The following AGBL4 variants were observed in gnomAD, a reference collection of about 807,000 sequenced individuals.
The protein encoded by AGBL4 is AGBL carboxypeptidase 4.
Under a neutral mutation model 66.4 loss-of-function variants are expected in AGBL4, and 58 were observed. The ratio of observed to expected loss-of-function variants is 0.87; its 90% CI spans 0.71 to 1.09. The LOEUF (loss-of-function observed/expected upper bound fraction) is 1.09, where lower values mean the gene tolerates loss of function less well. AGBL4 is among the 50% of genes least tolerant of loss of function. The pLI is 0.00. For missense variants in AGBL4, 579 were observed against 631.0 expected (o/e 0.92, Z 0.88); for synonymous variants, 234 against 222.9 (o/e 1.05, Z -0.44).
chr1:49,845,986 T>G, intron 2 of AGBL4: 2 of 1,584,728 alleles, frequency 1.3e-6, no homozygotes, highest in Non-Finnish European at 1.7e-6. Context: ...GAAACCACAC[T>G]GAGGAGAAGC....
intron 4 of AGBL4, among the ~76,000 whole-genome samples, chr1:49,121,247 T>C (rs1645647268): frequency 6.6e-6 from 1 of 152,214 alleles, no homozygotes; most frequent in African/African-American, 2.4e-5. Context: ...CTTTGTTCCA[T>C]TGCCGGCGAG....
At chr1:49,890,602 G>A (rs1648546483) in intron 1 of AGBL4, among the ~76,000 whole-genome samples, 1 of 152,086 alleles carries the variant, frequency 6.6e-6, no homozygotes, top group South Asian at 2.1e-4. Flanking sequence ...CTTCTTTCCT[G>A]GGTATATAAA....
rs114560464 is a variant in AGBL4, at chr1:48,787,433, T to A, written c.634+79758A>T. ...GTGGGTGGGAATGTACTAGATCCAATCCACAGGATAAAGATGGCTTTCTTT... is the reference window on the plus strand; with the variant it reads ...GTGGGTGGGAATGTACTAGATCCAAACCACAGGATAAAGATGGCTTTCTTT... On this transcript the variant is annotated intron_variant, in intron 6 of 13. Transcript: ENST00000371839. Among the ~76,000 whole-genome samples the A allele has an allele frequency of 3.4e-3, 514 of 152,246 alleles. 4 individuals carry two copies. The highest frequency in any genetic ancestry group is 0.011 in the African/African-American group (470 of 41,546).
chr1:49,345,338 G>A (rs1313864490), intron 3 of AGBL4, among the ~76,000 whole-genome samples: 1 of 152,138 alleles, frequency 6.6e-6, no homozygotes, highest in Non-Finnish European at 1.5e-5. Flanking sequence ...GTCTTTGACT[G>A]TGGCTGTCCT....
chr1:49,252,508 C>A (rs1274247521), intron 3 of AGBL4, among the ~76,000 whole-genome samples: 4 of 152,152 alleles, frequency 2.6e-5, no homozygotes, highest in African/African-American at 9.7e-5. Flanking sequence ...TCAATTAGAA[C>A]TTCCACAACT....
intron 4 of AGBL4, among the ~76,000 whole-genome samples, chr1:49,127,932 C>G (rs1307380867): frequency 1.3e-5 from 2 of 151,854 alleles, no homozygotes; most frequent in Non-Finnish European, 2.9e-5. Context: ...GCCCAACAGT[C>G]AATCAAAAAT....
intron 2 of AGBL4, among the ~76,000 whole-genome samples, chr1:49,737,572 C>A (rs955301468): frequency 1.3e-5 from 2 of 152,112 alleles, no homozygotes; most frequent in African/African-American, 2.4e-5. Context: ...AAACTAAGAA[C>A]CAGGTTCTGT....
chr1:49,905,442 G>C (rs972653374), intron 1 of AGBL4, among the ~76,000 whole-genome samples: 2 of 152,290 alleles, frequency 1.3e-5, no homozygotes, highest in Non-Finnish European at 2.9e-5. Context: ...CCAACATGAA[G>C]CAAGTCAAAC....
At chr1:48,594,710 G>A (rs918912402) in intron 9 of AGBL4, among the ~76,000 whole-genome samples, 1 of 152,056 alleles carries the variant, frequency 6.6e-6, no homozygotes, top group African/African-American at 2.4e-5. Context: ...TGGAATGTGA[G>A]GTAAGGGTTA....
chr1:49,442,215 A>G (rs1646050398), intron 3 of AGBL4, among the ~76,000 whole-genome samples: 1 of 152,190 alleles, frequency 6.6e-6, no homozygotes, highest in African/African-American at 2.4e-5. Context: ...ATTAAACACA[A>G]TCTTACCTCA....
chr1:48,585,769 T>C (rs529030781), intron 11 of AGBL4: 2 of 152,410 alleles, frequency 1.3e-5, no homozygotes, highest in Admixed American at 6.5e-5. Flanking sequence ...CTACTTCCGA[T>C]GTTCCTGGCA....
intron 6 of AGBL4, among the ~76,000 whole-genome samples, chr1:48,765,998 T>C (rs912031385): frequency 6.6e-6 from 1 of 152,194 alleles, no homozygotes; most frequent in Non-Finnish European, 1.5e-5. Context: ...TAAGTAGTAG[T>C]GATGGTTACA....
At chr1:49,982,248 A>T (rs1659114883) in intron 1 of AGBL4, among the ~76,000 whole-genome samples, 1 of 152,164 alleles carries the variant, frequency 6.6e-6, no homozygotes, top group South Asian at 2.1e-4. Context: ...AGTGGGGGAG[A>T]TGTGCCCAGG....
intron 4 of AGBL4, among the ~76,000 whole-genome samples, chr1:49,194,229 T>C (rs1334499995): frequency 6.6e-6 from 1 of 152,162 alleles, no homozygotes; most frequent in Non-Finnish European, 1.5e-5. Context: ...GGTTGTTATA[T>C]TCTGTTTTTG....
At chr1:49,935,210 C>G (rs1653833239) in intron 1 of AGBL4, among the ~76,000 whole-genome samples, 2 of 152,218 alleles carry the variant, frequency 1.3e-5, no homozygotes, top group African/African-American at 4.8e-5. Context: ...GGGTCCTACA[C>G]CCACAGAGTC....
rs12080888 is a variant in AGBL4 at position 49,281,876 on chromosome 1, G to T, written c.283-36012C>A. ...GCCCCATATATTTCTTCATGTGGCA[G>T]TTATATATGTTTCCCACAGTTCTGT... is the stretch of plus-strand genomic sequence containing the variant. On this transcript the variant is annotated intron_variant, in intron 3 of 13. Transcript: ENST00000371839. Among the ~76,000 whole-genome samples, 309 of 152,304 alleles carry T rather than the reference G, an allele frequency of 2.0e-3. 4 individuals are homozygous for T. Among genetic ancestry groups the T allele is most frequent in the African/African-American group, 6.9e-3 (287 of 41,564 alleles).
chr1:49,216,237 C>T (rs964196655), intron 4 of AGBL4, among the ~76,000 whole-genome samples: 2 of 152,036 alleles, frequency 1.3e-5, no homozygotes, highest in African/African-American at 4.8e-5. Context: ...AAGACAAAAG[C>T]TTTTATTATT....
At chr1:49,439,703 C>T (rs1361657109) in intron 3 of AGBL4, among the ~76,000 whole-genome samples, 1 of 152,086 alleles carries the variant, frequency 6.6e-6, no homozygotes, top group Non-Finnish European at 1.5e-5. Flanking sequence ...GGCAGAAAAA[C>T]GTGAAAAGAA....
At chr1:49,250,323 C>T (rs966263138) in intron 3 of AGBL4, among the ~76,000 whole-genome samples, 4 of 152,012 alleles carry the variant, frequency 2.6e-5, no homozygotes, top group Admixed American at 2.6e-4. Context: ...ACTAAGATGA[C>T]TGGCAGGCTT....
Sources: gnomAD v4.1 joint callset for allele counts (sites outside exome capture counted in the v4.1 genomes callset) on GRCh38, gnomAD v4.1.1 for gene constraint, MANE v1.5 for transcripts, NCBI Gene and HGNC (gene_info 2026-07-23, HGNC 2026-07-21) for gene names.